The following FAAH2 variants were observed in gnomAD, a reference collection of about 807,000 sequenced individuals.
FAAH2 encodes fatty acid amide hydrolase 2.
Under a neutral mutation model 36.9 loss-of-function variants are expected in FAAH2, and 60 were observed. That is an observed-to-expected ratio of 1.63 (90% confidence interval 1.32 to 2.02). The LOEUF (loss-of-function observed/expected upper bound fraction) is 2.02. Among genes scored for constraint, FAAH2 ranks in the 30% most tolerant of loss-of-function variants. FAAH2 has a pLI of 0.00. For missense variants in FAAH2, 689 were observed against 397.5 expected (o/e 1.73, Z -6.23); for synonymous variants, 214 against 143.8 (o/e 1.49, Z -3.49).
the FAAH2 span, among the ~76,000 whole-genome samples, chrX:57,131,381 G>A: frequency 5.4e-5 from 6 of 111,662 alleles, no homozygotes; most frequent in South Asian, 7.5e-4. Context: ...CACCGCGCCC[G>A]GCCGGGTCTA....
chrX:57,421,779 A>G (rs1039612122), intron 7 of FAAH2, among the ~76,000 whole-genome samples: 32 of 112,072 alleles, frequency 2.9e-4, no homozygotes, highest in African/African-American at 1.0e-3. Flanking sequence ...GGGTCCATTG[A>G]CACACTTCAT....
At chrX:57,380,761 A>T in intron 6 of FAAH2, 151 bp from the exon 7 acceptor site, 1 of 348,570 alleles carries the variant, frequency 2.9e-6, no homozygotes, top group South Asian at 9.2e-5. Flanking sequence ...TTTAAATGCA[A>T]ATCTAAATTC....
chrX:57,452,282 T>A (rs2056799231), intron 10 of FAAH2: 1 of 753,434 alleles, frequency 1.3e-6, no homozygotes, highest in South Asian at 6.8e-5. Flanking sequence ...GCATCCAGCA[T>A]TAGAGTGAAA....
chrX:57,422,532 A>G (rs768882088), intron 7 of FAAH2, among the ~76,000 whole-genome samples: 65 of 112,050 alleles, frequency 5.8e-4, no homozygotes, highest in African/African-American at 2.1e-3. Context: ...AATAATCGCA[A>G]GATGGTTTCA....
chrX:57,219,863 CTTTTTTTTTTTTT>C, the FAAH2 span, among the ~76,000 whole-genome samples: 3 of 35,640 alleles, frequency 8.4e-5, no homozygotes, highest in African/African-American at 2.3e-4. Flanking sequence ...AGCGCCTTGT[CTTTTTTTTTTTTT>C]TTTTTTTTTT....
the FAAH2 span, among the ~76,000 whole-genome samples, chrX:57,124,712 C>T: frequency 4.5e-5 from 5 of 111,252 alleles, no homozygotes; most frequent in Admixed American, 9.5e-5. Flanking sequence ...CTTGAAGAGG[C>T]CCTTCACATC....
At chrX:57,330,924 C>A (rs5914082) in intron 3 of FAAH2, among the ~76,000 whole-genome samples, 3 of 108,892 alleles carry the variant, frequency 2.8e-5, no homozygotes, top group African/African-American at 6.7e-5. Flanking sequence ...GGCCCCAGGA[C>A]GTACTTAGGG....
intron 10 of FAAH2, among the ~76,000 whole-genome samples, chrX:57,485,684 A>C (rs754108089): frequency 2.8e-4 from 31 of 111,995 alleles, no homozygotes; most frequent in Middle Eastern, 4.6e-3. Flanking sequence ...TACTTATAAC[A>C]TTCCTTAACT....
At chrX:57,295,613 G>A (rs185742424) in intron 2 of FAAH2, among the ~76,000 whole-genome samples, 48 of 112,028 alleles carry the variant, frequency 4.3e-4, no homozygotes, top group African/African-American at 1.5e-3. Context: ...GTGGGTGCAG[G>A]ACAGTGGGTG....
the FAAH2 span, among the ~76,000 whole-genome samples, chrX:57,147,597 G>A: frequency 1.8e-5 from 2 of 111,658 alleles, no homozygotes; most frequent in Non-Finnish European, 3.8e-5. Flanking sequence ...TTCTTCTGCT[G>A]TGTTTGGTTT....
At chrX:57,373,307 T>C (rs1000065654) in intron 5 of FAAH2, among the ~76,000 whole-genome samples, 9 of 111,370 alleles carry the variant, frequency 8.1e-5, no homozygotes, top group Non-Finnish European at 1.5e-4. Flanking sequence ...ATCTCTACAC[T>C]GTTTTCCATA....
the FAAH2 span, among the ~76,000 whole-genome samples, chrX:57,255,662 C>T: frequency 1.2e-4 from 13 of 111,843 alleles, no homozygotes; most frequent in Admixed American, 2.8e-4. Context: ...TAAACAGAAC[C>T]AACAACAAAA....
At chrX:57,470,574 A>G (rs2057145602) in intron 10 of FAAH2, among the ~76,000 whole-genome samples, 1 of 111,325 alleles carries the variant, frequency 9.0e-6, no homozygotes, top group Non-Finnish European at 1.9e-5. Context: ...GAATAGACCA[A>G]AAACAGGCTC....
chrX:57,273,122 G>C, the FAAH2 span, among the ~76,000 whole-genome samples: 1 of 111,900 alleles, frequency 8.9e-6, no homozygotes, highest in African/African-American at 3.3e-5. Context: ...CCTAATCTCT[G>C]ATAAAACAGA....
the FAAH2 span, among the ~76,000 whole-genome samples, chrX:57,268,679 G>T: frequency 9.0e-6 from 1 of 111,656 alleles, no homozygotes; most frequent in Non-Finnish European, 1.9e-5. Context: ...GAAAATAAAA[G>T]ATTGGGTGTC....
chrX:57,377,566 A>C lies in FAAH2; in HGVS notation c.743-1085A>C, dbSNP rs1038220587. ...TACTGTAGCCTTGTAATATTGTTTG[A>C]AGCCAGGTAGCATGATGTCTCCACC... On this transcript the variant is annotated intron_variant, in intron 5 of 10. Transcript: ENST00000374900. Among the ~76,000 whole-genome samples, 8 of 112,030 alleles carry C rather than the reference A, an allele frequency of 7.1e-5. No individual in the cohort carries two copies. In the Admixed American group the frequency reaches 7.6e-4, roughly 11 times the overall value.
intron 5 of FAAH2, among the ~76,000 whole-genome samples, chrX:57,352,630 T>C (rs767123104): frequency 1.4e-4 from 15 of 110,965 alleles, no homozygotes; most frequent in African/African-American, 4.9e-4. Flanking sequence ...GCAACAGCAA[T>C]AAATAAAAGA....
the FAAH2 span, among the ~76,000 whole-genome samples, chrX:57,237,353 C>T: frequency 2.7e-5 from 3 of 110,519 alleles, no homozygotes; most frequent in African/African-American, 6.5e-5. Context: ...TATTTAAATA[C>T]AAGGTAAAAT....
chrX:57,360,282 C>G (rs1020786695), intron 5 of FAAH2, among the ~76,000 whole-genome samples: 2 of 110,855 alleles, frequency 1.8e-5, no homozygotes, highest in African/African-American at 6.5e-5. Flanking sequence ...TTCCCTTTTA[C>G]TTTTTTATGG....
Sources: allele counts gnomAD v4.1 joint callset (sites outside exome capture counted in the v4.1 genomes callset), GRCh38; gene constraint gnomAD v4.1.1; transcripts MANE v1.5; gene names NCBI Gene and HGNC (gene_info 2026-07-23, HGNC 2026-07-21).